The following LASP1 variants were observed in gnomAD, a reference collection of about 807,000 sequenced individuals.
LASP1 encodes the protein LIM and SH3 protein 1.
Under a neutral mutation model 38.6 loss-of-function variants are expected in LASP1, and 10 were observed. That is an observed-to-expected ratio of 0.26 (90% CI 0.16 to 0.44). The LOEUF (loss-of-function observed/expected upper bound fraction) is 0.44. LASP1 is among the 20% of genes least tolerant of loss of function. The pLI is 1.00. For synonymous variants in LASP1, 132 were observed against 140.8 expected (o/e 0.94, Z 0.44); for missense variants, 243 against 375.7 (o/e 0.65, Z 2.92).
chr17:38,913,874 C>T (rs988405460), intron 4 of LASP1, among the ~76,000 whole-genome samples: 2 of 151,932 alleles, frequency 1.3e-5, no homozygotes, highest in African/African-American at 4.8e-5. Flanking sequence ...TAGTGGCAGG[C>T]GCCTGTAATC....
rs747508790 is a variant in LASP1, at chr17:38,918,685, C to A, written c.693C>A (p.Asn231Lys). The change falls in exon 7 of 7, where the codon AAC becomes AAA. Residue 231 changes from asparagine (N) to lysine (K), a missense_variant. Coordinates refer to ENST00000318008, the MANE Select transcript of LASP1 (RefSeq NM_006148.4). The surrounding 1 kb of genome is among the most constrained non-coding windows in gnomAD (Gnocchi z 4.4). ...VSFQDGDTIVNVQQIDDGWMY... is the reference protein window; with the variant it reads ...VSFQDGDTIVKVQQIDDGWMY... ...TCCAGGACGGGGACACCATCGTCAA[C>A]GTGCAGCAGATCGACGACGGCTGGA... The A allele has an allele frequency of 6.2e-7, 1 of 1,613,820 alleles. No homozygotes were observed. The highest frequency in any genetic ancestry group is 1.7e-5 in the Admixed American group (1 of 59,978).
At chr17:38,886,534 T>C (rs1385560736) in intron 2 of LASP1, among the ~76,000 whole-genome samples, 1 of 152,132 alleles carries the variant, frequency 6.6e-6, no homozygotes, top group East Asian at 1.9e-4. Flanking sequence ...ACTTCCCTTC[T>C]GATGGGATTA....
chr17:38,873,685 G>A (rs902885363), intron 1 of LASP1, among the ~76,000 whole-genome samples: 1 of 152,224 alleles, frequency 6.6e-6, no homozygotes, highest in Non-Finnish European at 1.5e-5. Flanking sequence ...CTCGGAATTT[G>A]TGGAGGTGCA....
At chr17:38,890,274 G>A in intron 2 of LASP1, 146 bp from the exon 3 acceptor site, 2 of 662,226 alleles carry the variant, frequency 3.0e-6, no homozygotes, top group South Asian at 3.5e-5. Context: ...GGCCTTGGTG[G>A]TGGACACTGA....
At chr17:38,876,170 G>A (rs745584238) in intron 1 of LASP1, among the ~76,000 whole-genome samples, 2 of 145,692 alleles carry the variant, frequency 1.4e-5, no homozygotes, top group South Asian at 2.2e-4. Context: ...CTGTTAGATC[G>A]TTTCTCTTTT....
At position 38,919,762 on chromosome 17, in the gene LASP1, T is replaced by C. The variant is rs1219854570; in HGVS notation, c.*984T>C. On this transcript the variant is annotated 3_prime_UTR_variant, in exon 7 of 7. Coordinates refer to ENST00000318008, the MANE Select transcript of LASP1 (RefSeq NM_006148.4). Reference sequence around the variant, plus strand: ...CCATGACCTCCCCTCCCCAGCCCAATGCCAAGTGGACTTGGAGCTGCACAA... The same window carrying C: ...CCATGACCTCCCCTCCCCAGCCCAACGCCAAGTGGACTTGGAGCTGCACAA... The C allele has an allele frequency of 2.4e-6, 1 of 415,438 alleles. No individual in the cohort carries two copies. Among genetic ancestry groups the C allele is most frequent in the Non-Finnish European group, 4.6e-6 (1 of 216,980 alleles). The allele number at this position is 415,438 out of a possible 1,614,324, so 25.7% of individuals were successfully genotyped here.
At position 38,880,499 on chromosome 17, in the gene LASP1, G is replaced by C. The variant is rs1005556739; in HGVS notation, c.164+2319G>C. 4.6e-5 allele frequency among the ~76,000 whole-genome samples: 7 copies of C among 152,340 alleles called. No homozygotes were observed. The South Asian group carries it at 6.2e-4, about 14-fold the overall frequency. On this transcript the variant is annotated intron_variant, in intron 2 of 6. Coordinates refer to ENST00000318008, the MANE Select transcript of LASP1 (RefSeq NM_006148.4). ...CCCTCCTGGCCTCCAGCCAAAAGAA[G>C]CAGGTTGGCCTCTCCATGTTTCCTC... is the stretch of plus-strand genomic sequence containing the variant.
intron 6 of LASP1, among the ~76,000 whole-genome samples, chr17:38,917,517 A>G (rs1237190138): frequency 6.6e-6 from 1 of 151,642 alleles, no homozygotes; most frequent in Non-Finnish European, 1.5e-5. Context: ...ATTTTGGCTG[A>G]GGCTTGGAAG....
chr17:38,917,332 G>A (rs1915160558), intron 6 of LASP1, among the ~76,000 whole-genome samples: 2 of 152,184 alleles, frequency 1.3e-5, no homozygotes, highest in Non-Finnish European at 2.9e-5. Context: ...GAGCCTCAGA[G>A]ACCAGTCAAG....
intron 1 of LASP1, among the ~76,000 whole-genome samples, chr17:38,876,422 A>T (rs942018363): frequency 6.6e-6 from 1 of 151,362 alleles, no homozygotes; most frequent in South Asian, 2.1e-4. Context: ...GTGCAGTGGC[A>T]TGATCTCAGC....
At chr17:38,873,643 G>A (rs932441643) in intron 1 of LASP1, among the ~76,000 whole-genome samples, 3 of 152,186 alleles carry the variant, frequency 2.0e-5, no homozygotes, top group Middle Eastern at 3.2e-3. Context: ...CTTGTATGGG[G>A]GCGTGGGGCC....
In LASP1 at chr17:38,918,404, T is replaced by G. The variant is rs1353439355; in HGVS notation, c.613-201T>G. Among the ~76,000 whole-genome samples the G allele has an allele frequency of 6.6e-6, 1 of 152,174 alleles. No homozygotes were observed. Among genetic ancestry groups the G allele is most frequent in the Non-Finnish European group, 1.5e-5 (1 of 68,028 alleles). ...TGCTCTGCCTCTGGCCCTTAGTAGC[T>G]GCCAAAGGTTGTAAAAGATCGATTG... On this transcript the variant is annotated intron_variant, in intron 6 of 6. Coordinates refer to ENST00000318008, the MANE Select transcript of LASP1 (RefSeq NM_006148.4). The surrounding 1 kb of genome is among the most constrained non-coding windows in gnomAD (Gnocchi z 4.4).
intron 6 of LASP1, 175 bp downstream of exon 6, chr17:38,915,321 C>T: frequency 1.8e-6 from 1 of 562,320 alleles, no homozygotes; most frequent in Non-Finnish European, 3.1e-6. Context: ...CAGAGGCTGG[C>T]TGGGACTGGG....
chr17:38,905,698 G>A (rs988604487), intron 4 of LASP1, among the ~76,000 whole-genome samples: 7 of 152,146 alleles, frequency 4.6e-5, no homozygotes, highest in African/African-American at 1.7e-4. Context: ...GAGTGTGATA[G>A]CCGATGGTTT....
At chr17:38,892,426 T>C (rs1914355152) in intron 3 of LASP1, among the ~76,000 whole-genome samples, 1 of 152,134 alleles carries the variant, frequency 6.6e-6, no homozygotes, top group South Asian at 2.1e-4. Flanking sequence ...TTTTACAGAT[T>C]CTAGCCAGGC....
rs1313242163 is a variant in LASP1, at chr17:38,911,408, C to T, written c.358-2917C>T. On this transcript the variant is annotated intron_variant, in intron 4 of 6. Transcript: ENST00000318008. ...TGTGTCCAGATGACCTTGGGCAGGT[C>T]CCTTAGCCTCTCTGGATATCGGGAT... 2.0e-5 allele frequency among the ~76,000 whole-genome samples: 3 copies of T among 151,174 alleles called. No individual in the cohort carries two copies. The East Asian group carries it at 5.8e-4, about 29-fold the overall frequency.
rs1915285657 is a variant in LASP1 at position 38,921,073 on chromosome 17, C to T, written c.*2295C>T. 1.7e-5 allele frequency: 4 copies of T among 229,932 alleles called. No individual in the cohort carries two copies. The highest frequency in any genetic ancestry group is 3.4e-5 in the Non-Finnish European group (4 of 115,976). 14.2% of individuals were successfully genotyped at this position (229,932 alleles called of 1,614,324 possible). ...CCTAAAAATAGGGGCCGTTTTCTTA[C>T]ACACCCCCAGAGAGAGGAGGGACTG... is the stretch of plus-strand genomic sequence containing the variant. On this transcript the variant is annotated 3_prime_UTR_variant, in exon 7 of 7. Transcript: ENST00000318008.
intron 1 of LASP1, among the ~76,000 whole-genome samples, chr17:38,876,324 A>G (rs1598103447): frequency 6.6e-6 from 1 of 151,416 alleles, no homozygotes; most frequent in Non-Finnish European, 1.5e-5. Flanking sequence ...AATTACAGGC[A>G]TGCGCCACCA....
intron 2 of LASP1, among the ~76,000 whole-genome samples, chr17:38,888,673 C>T (rs183871786): frequency 2.1e-3 from 324 of 152,358 alleles, no homozygotes; most frequent in Non-Finnish European, 3.4e-3. Flanking sequence ...CAAAATCCCT[C>T]CCTTCATAGA....
Sources: allele counts gnomAD v4.1 joint callset (sites outside exome capture counted in the v4.1 genomes callset), GRCh38; gene constraint gnomAD v4.1.1; non-coding constraint Gnocchi (gnomAD v3.1); transcripts MANE v1.5; gene names NCBI Gene and HGNC (gene_info 2026-07-23, HGNC 2026-07-21).